TMEM200A: variants seen among roughly 807,000 people sequenced by gnomAD.
TMEM200A encodes two transmembrane C.
A neutral mutation model predicts 24.3 loss-of-function variants in TMEM200A; 12 were observed. The observed-to-expected ratio is 0.49, with a 90% CI of 0.32 to 0.80. TMEM200A has a LOEUF of 0.80. TMEM200A is among the 30% of genes least tolerant of loss of function. TMEM200A has a pLI of 0.04. For synonymous variants in TMEM200A, 224 were observed against 224.4 expected, an observed-to-expected ratio of 1.00 and a Z score of 0.02; for missense variants, 545 against 614.4, an observed-to-expected ratio of 0.89 and a Z score of 1.19.
At chr6:130,379,907 T>G (rs1778555289) in intron 1 of TMEM200A, among the ~76,000 whole-genome samples, 1 of 152,052 alleles carries the variant, frequency 6.6e-6, no homozygotes, top group African/African-American at 2.4e-5. Flanking sequence ...CATTTCAGGG[T>G]GGATAGAGAG....
intron 2 of TMEM200A, chr6:130,421,046 C>T (rs898259784): frequency 1.4e-4 from 22 of 152,306 alleles, no homozygotes; most frequent in Admixed American, 1.4e-3. Flanking sequence ...AAAGTCCCCT[C>T]CCCTTCTGTT....
Position 130,366,142 on chromosome 6 carries a change from CCTCCG to C in TMEM200A, c.-462_-458del. ...CTGCCCGGCTTGCTGCGCCCGGTGC[CCTCCG>C]AGGGCAGGCGCGCCTGGACTCTGCG... is the stretch of plus-strand genomic sequence containing the variant. On this transcript the variant is annotated 5_prime_UTR_variant, in exon 1 of 3. Transcript: ENST00000296978. This position sits in a 1 kb window ranked among gnomAD's most constrained non-coding sequence, Gnocchi z 4.4. 1 of 985,386 alleles carries C rather than the reference CCTCCG, an allele frequency of 1.0e-6. No individual in the cohort carries two copies. Among genetic ancestry groups the C allele is most frequent in the Non-Finnish European group, 1.2e-6 (1 of 829,926 alleles). 61.0% of individuals were successfully genotyped at this position (985,386 alleles called of 1,614,324 possible).
intron 2 of TMEM200A, among the ~76,000 whole-genome samples, chr6:130,397,164 T>G (rs565611653): frequency 6.6e-6 from 1 of 152,316 alleles, no homozygotes; most frequent in South Asian, 2.1e-4. Flanking sequence ...GGGCAACTAT[T>G]AATAATTCAT....
chr6:130,439,765 G>A lies in TMEM200A; in HGVS notation c.-16-642G>A, dbSNP rs1429191004. ...GGAGAACTTAACATCATAAAAGACT[G>A]GGGAAGAGAGAGTGTGGAGAAAGGA... On this transcript the variant is annotated intron_variant, in intron 2 of 2. Transcript: ENST00000296978. Among the ~76,000 whole-genome samples the A allele has an allele frequency of 2.0e-5, 3 of 152,090 alleles. No homozygotes were observed. In the East Asian group the frequency reaches 5.8e-4, roughly 29 times the overall value.
chr6:130,398,911 T>C (rs931091095), intron 2 of TMEM200A, among the ~76,000 whole-genome samples: 1 of 152,076 alleles, frequency 6.6e-6, no homozygotes, highest in African/African-American at 2.4e-5. Flanking sequence ...TTTTTTTCAT[T>C]GTCCAATTTC....
intron 1 of TMEM200A, chr6:130,382,077 A>G (rs1291031339): frequency 3.8e-6 from 2 of 521,768 alleles, no homozygotes; most frequent in Non-Finnish European, 4.9e-6. Flanking sequence ...AAAGAATCCC[A>G]TTGCCAAGGA....
chr6:130,376,301 C>T (rs747840427), intron 1 of TMEM200A, among the ~76,000 whole-genome samples: 12 of 152,132 alleles, frequency 7.9e-5, no homozygotes, highest in Non-Finnish European at 1.3e-4. Context: ...GAGAGGGTCT[C>T]ACTCTGTCAC....
rs1425971523 is a variant in TMEM200A at position 130,441,561 on chromosome 6, G to C, written c.1139G>C (p.Arg380Thr). The C allele has an allele frequency of 6.2e-7, 1 of 1,614,078 alleles. No homozygotes were observed. Among genetic ancestry groups the C allele is most frequent in the South Asian group, 1.1e-5 (1 of 91,086 alleles). Residue 380 changes from arginine to threonine, a missense_variant, in exon 3 of 3, where the codon AGA becomes ACA. By Grantham distance (71) the Arg-to-Thr change is moderately conservative (BLOSUM62 -1). Transcript: ENST00000296978. ...GQLLSPGAAR[R>T]QFGSNTSLHL... ...CTCTTGTCTCCTGGGGCTGCCAGAA[G>C]ACAGTTTGGGTCCAATACATCCTTG...
intron 2 of TMEM200A, among the ~76,000 whole-genome samples, chr6:130,433,475 T>C (rs1231124711): frequency 6.6e-6 from 1 of 152,204 alleles, no homozygotes; most frequent in African/African-American, 2.4e-5. Context: ...TTTTAAACTT[T>C]ATGTGATTGA....
At position 130,441,071 on chromosome 6, in the gene TMEM200A, C is replaced by T. The variant is rs267600805; in HGVS notation, c.649C>T (p.Arg217Trp). 9 of 1,613,796 alleles carry T rather than the reference C, an allele frequency of 5.6e-6. No homozygotes were observed. Among genetic ancestry groups the T allele is most frequent in the South Asian group, 5.5e-5 (5 of 91,056 alleles). The change falls in exon 3 of 3, where the codon CGG becomes TGG. Residue 217 changes from arginine to tryptophan, a missense_variant. By Grantham distance (101) the Arg-to-Trp change is moderately radical (BLOSUM62 -3). Coordinates refer to ENST00000296978, the MANE Select transcript of TMEM200A (RefSeq NM_001258277.2). The part of the protein sequence containing the change: ...ANTIASFSGF[R>W]SSFRMDSSVE... Reference sequence around the variant, plus strand: ...TACGATCGCCTCTTTCTCGGGTTTTCGGAGCAGTTTTCGAATGGACAGCTC... The same window carrying T: ...TACGATCGCCTCTTTCTCGGGTTTTTGGAGCAGTTTTCGAATGGACAGCTC...
intron 2 of TMEM200A, among the ~76,000 whole-genome samples, chr6:130,394,578 A>AT: frequency 6.6e-6 from 1 of 152,264 alleles, no homozygotes; most frequent in East Asian, 1.9e-4. Context: ...GTGGGAGGAC[A>AT]TTTTTTGGCA....
intron 2 of TMEM200A, among the ~76,000 whole-genome samples, chr6:130,386,463 C>T (rs1469814249): frequency 6.6e-6 from 1 of 152,104 alleles, no homozygotes; most frequent in Non-Finnish European, 1.5e-5. Context: ...TTATTGTCAG[C>T]CAAAGACTGG....
chr6:130,383,092 A>G, intron 1 of TMEM200A: 1 of 984,480 alleles, frequency 1.0e-6, no homozygotes, highest in African/African-American at 1.7e-5. Context: ...CTCAGGCATT[A>G]TTAAATTTGT....
intron 2 of TMEM200A, among the ~76,000 whole-genome samples, chr6:130,421,530 G>GTGTGTC (rs1170559567): frequency 1.3e-5 from 2 of 151,934 alleles, no homozygotes; most frequent in African/African-American, 4.8e-5. Flanking sequence ...GTGTGTGTGT[G>GTGTGTC]TGTGTGCATG....
chr6:130,393,706 A>C (rs1218719635), intron 2 of TMEM200A, among the ~76,000 whole-genome samples: 1 of 152,232 alleles, frequency 6.6e-6, no homozygotes, highest in East Asian at 1.9e-4. Flanking sequence ...TTCCAGGCCC[A>C]TCATGTAAAA....
intron 2 of TMEM200A, among the ~76,000 whole-genome samples, chr6:130,434,286 G>A (rs966928162): frequency 6.6e-6 from 1 of 152,144 alleles, no homozygotes; most frequent in Non-Finnish European, 1.5e-5. Context: ...CACTGGACTG[G>A]GAGTCTGAAA....
At chr6:130,384,794 T>G (rs899591171) in intron 1 of TMEM200A, among the ~76,000 whole-genome samples, 2 of 152,258 alleles carry the variant, frequency 1.3e-5, no homozygotes, top group East Asian at 1.9e-4. Flanking sequence ...TACAATGAAC[T>G]GGTCAATGGG....
chr6:130,426,016 A>G (rs1779728092), intron 2 of TMEM200A, among the ~76,000 whole-genome samples: 1 of 152,212 alleles, frequency 6.6e-6, no homozygotes, highest in South Asian at 2.1e-4. Flanking sequence ...GATTTTGATG[A>G]AAAAAAATCA....
At chr6:130,433,867 T>C (rs1314196426) in intron 2 of TMEM200A, among the ~76,000 whole-genome samples, 3 of 152,174 alleles carry the variant, frequency 2.0e-5, no homozygotes, top group Non-Finnish European at 4.4e-5. Flanking sequence ...CCTTATGCAA[T>C]AGTCAGGAAC....
Sources: allele counts gnomAD v4.1 joint callset (sites outside exome capture counted in the v4.1 genomes callset), GRCh38; gene constraint gnomAD v4.1.1; non-coding constraint Gnocchi (gnomAD v3.1); transcripts MANE v1.5; gene names NCBI Gene and HGNC (gene_info 2026-07-23, HGNC 2026-07-21).